DGKB: variants seen among roughly 807,000 people sequenced by gnomAD.
The protein encoded by DGKB is 90 kDa diacylglycerol kinase.
DGKB carries 67 observed loss-of-function variants against 114.3 expected under a neutral mutation model. That is an observed-to-expected ratio of 0.59 (90% CI 0.48 to 0.72). The LOEUF is 0.72. Among genes scored for constraint, DGKB ranks in the 30% least tolerant of loss-of-function variants. DGKB has a pLI of 0.00. For synonymous variants in DGKB, 398 were observed against 323.1 expected, an observed-to-expected ratio of 1.23 and a Z score of -2.49; for missense variants, 907 against 975.2, an observed-to-expected ratio of 0.93 and a Z score of 0.93.
intron 4 of DGKB, among the ~76,000 whole-genome samples, chr7:14,744,640 G>T (rs1238505211): frequency 6.6e-6 from 1 of 152,152 alleles, no homozygotes; most frequent in East Asian, 1.9e-4. Flanking sequence ...AATTTTAAAA[G>T]TGTATGTAAG....
At chr7:14,745,938 G>A (rs1024963112) in intron 4 of DGKB, among the ~76,000 whole-genome samples, 1 of 152,150 alleles carries the variant, frequency 6.6e-6, no homozygotes, top group African/African-American at 2.4e-5. Flanking sequence ...TCAGCATGCA[G>A]GAAAACTTTC....
At chr7:14,430,586 T>C (rs766285215) in intron 21 of DGKB, among the ~76,000 whole-genome samples, 3 of 152,192 alleles carry the variant, frequency 2.0e-5, no homozygotes, top group Non-Finnish European at 4.4e-5. Flanking sequence ...CTCTAACACA[T>C]TGATTCCGTA....
At chr7:14,648,461 A>G (rs1813645830) in intron 13 of DGKB, among the ~76,000 whole-genome samples, 1 of 152,086 alleles carries the variant, frequency 6.6e-6, no homozygotes, top group Non-Finnish European at 1.5e-5. Flanking sequence ...AAACTAACAA[A>G]CAGAAAGGAC....
intron 2 of DGKB, among the ~76,000 whole-genome samples, chr7:14,765,645 A>T (rs1281488879): frequency 6.6e-6 from 1 of 152,002 alleles, no homozygotes; most frequent in East Asian, 1.9e-4. Context: ...CTGCTAATTT[A>T]GCCAGCAACC....
intron 17 of DGKB, among the ~76,000 whole-genome samples, chr7:14,589,103 C>A (rs1333263118): frequency 6.6e-6 from 1 of 151,844 alleles, no homozygotes; most frequent in Admixed American, 6.6e-5. Context: ...ACAGGTCTTG[C>A]ATATATTTTG....
At chr7:14,301,373 G>A (rs1803515297) in intron 23 of DGKB, among the ~76,000 whole-genome samples, 1 of 151,842 alleles carries the variant, frequency 6.6e-6, no homozygotes. Flanking sequence ...CCTAACAATT[G>A]GCAAGTCATG....
At chr7:14,232,070 C>T (rs562270272) in intron 23 of DGKB, among the ~76,000 whole-genome samples, 50 of 152,054 alleles carry the variant, frequency 3.3e-4, no homozygotes, top group South Asian at 1.9e-3. Context: ...GGACCACTTC[C>T]GGTTGCTTTT....
At chr7:14,941,027 A>C (rs1785543338) in intron 1 of DGKB, among the ~76,000 whole-genome samples, 1 of 152,072 alleles carries the variant, frequency 6.6e-6, no homozygotes, top group Non-Finnish European at 1.5e-5. Flanking sequence ...AAGTGTACAG[A>C]TCATACTTCT....
At chr7:14,279,470 T>A (rs926015264) in intron 23 of DGKB, among the ~76,000 whole-genome samples, 13 of 152,194 alleles carry the variant, frequency 8.5e-5, no homozygotes, top group African/African-American at 3.1e-4. Flanking sequence ...CTCTGCAGAC[T>A]TAAATGTCCC....
intron 5 of DGKB, among the ~76,000 whole-genome samples, chr7:14,720,632 C>A (rs1026753105): frequency 1.4e-4 from 22 of 152,132 alleles, no homozygotes; most frequent in African/African-American, 5.1e-4. Context: ...CGTGAGCCAC[C>A]ATGCCCGGCC....
At chr7:14,221,343 A>C (rs1789930147) in intron 23 of DGKB, among the ~76,000 whole-genome samples, 1 of 150,442 alleles carries the variant, frequency 6.6e-6, no homozygotes. Context: ...CAGGTTGAGT[A>C]CTCTCTATTT....
chr7:14,816,219 A>T (rs1586696176), intron 2 of DGKB, among the ~76,000 whole-genome samples: 1 of 152,278 alleles, frequency 6.6e-6, no homozygotes. Flanking sequence ...CTGTAGTCCC[A>T]GCTACTCTGG....
intron 1 of DGKB, among the ~76,000 whole-genome samples, chr7:14,855,454 C>T (rs1210795125): frequency 6.6e-6 from 1 of 152,104 alleles, no homozygotes; most frequent in Non-Finnish European, 1.5e-5. Context: ...AATTTGATTA[C>T]ATAAACCTGT....
chr7:14,196,483 A>T (rs1379503013), intron 23 of DGKB, among the ~76,000 whole-genome samples: 1 of 152,076 alleles, frequency 6.6e-6, no homozygotes, highest in Non-Finnish European at 1.5e-5. Context: ...TTTCTTTTGA[A>T]GTAATTTTAT....
intron 2 of DGKB, among the ~76,000 whole-genome samples, chr7:14,760,150 C>T (rs999957173): frequency 6.6e-6 from 1 of 152,016 alleles, no homozygotes; most frequent in African/African-American, 2.4e-5. Context: ...TGTGTGTACG[C>T]ACATTTGCTT....
intron 2 of DGKB, among the ~76,000 whole-genome samples, chr7:14,799,364 C>T (rs1340219402): frequency 6.6e-6 from 1 of 152,196 alleles, no homozygotes; most frequent in Non-Finnish European, 1.5e-5. Context: ...GATCACCTTT[C>T]CCTTCTAGAA....
intron 2 of DGKB, among the ~76,000 whole-genome samples, chr7:14,798,494 T>C (rs1466392490): frequency 6.6e-6 from 1 of 152,254 alleles, no homozygotes; most frequent in African/African-American, 2.4e-5. Flanking sequence ...TACATGTTGA[T>C]AAATTTGTAT....
At chr7:14,294,663 T>C (rs1427445320) in intron 23 of DGKB, among the ~76,000 whole-genome samples, 3 of 152,200 alleles carry the variant, frequency 2.0e-5, no homozygotes, top group Admixed American at 6.6e-5. Flanking sequence ...ATATAGACTT[T>C]AGCTTTCTTT....
chr7:14,789,224 T>A (rs1840319977), intron 2 of DGKB, among the ~76,000 whole-genome samples: 1 of 152,088 alleles, frequency 6.6e-6, no homozygotes, highest in South Asian at 2.1e-4. Context: ...AGCAGAATAT[T>A]GACATTGATA....
Sources: allele counts gnomAD v4.1 joint callset (sites outside exome capture counted in the v4.1 genomes callset), GRCh38; gene constraint gnomAD v4.1.1; transcripts MANE v1.5; gene names NCBI Gene and HGNC (gene_info 2026-07-23, HGNC 2026-07-21).